Variants in RMND1 observed in about 807,000 individuals in gnomAD.
RMND1 encodes required for meiotic nuclear division 1 homolog, also known as required for meiotic nuclear division protein 1 homolog.
In RMND1, 41 loss-of-function variants were observed where a neutral mutation model predicts 54.0. The observed-to-expected ratio is 0.76, with a 90% CI of 0.59 to 0.98. The LOEUF (loss-of-function observed/expected upper bound fraction) is 0.98, where lower values mean the gene tolerates loss of function less well. RMND1 is among the 50% of genes least tolerant of loss of function. RMND1 has a pLI of 0.00. For missense variants in RMND1, 457 were observed against 532.0 expected, an observed-to-expected ratio of 0.86 and a Z score of 1.39; for synonymous variants, 183 against 181.7, an observed-to-expected ratio of 1.01 and a Z score of -0.06.
intron 9 of RMND1, among the ~76,000 whole-genome samples, chr6:151,418,247 C>T (rs1005608822): frequency 3.3e-5 from 5 of 152,022 alleles, no homozygotes; most frequent in African/African-American, 1.2e-4. Context: ...AACCCTATCT[C>T]TACAAAAAAT....
intron 2 of RMND1, among the ~76,000 whole-genome samples, chr6:151,439,624 G>A (rs1035740595): frequency 2.0e-5 from 3 of 152,206 alleles, no homozygotes; most frequent in East Asian, 1.9e-4. Context: ...TGTTAATGGC[G>A]GTGGCAGGCA....
At chr6:151,405,682 A>G (rs1779590121) in intron 11 of RMND1, 38 bp downstream of exon 11, 4 of 998,880 alleles carry the variant, frequency 4.0e-6, no homozygotes, top group East Asian at 4.8e-5. Context: ...TTGTGAAAAG[A>G]TGGTAACTGA....
At chr6:151,450,562 C>T (rs1375317395) in intron 1 of RMND1, among the ~76,000 whole-genome samples, 3 of 149,160 alleles carry the variant, frequency 2.0e-5, no homozygotes, top group Non-Finnish European at 3.0e-5. Flanking sequence ...CCAGCCGCCC[C>T]GTCCGGGAGG....
chr6:151,419,067 G>A (rs1780083159), intron 9 of RMND1, among the ~76,000 whole-genome samples: 1 of 148,972 alleles, frequency 6.7e-6, no homozygotes, highest in Non-Finnish European at 1.5e-5. Context: ...ACCGTGCCCA[G>A]CCTTTTTCTT....
intron 4 of RMND1, among the ~76,000 whole-genome samples, chr6:151,431,747 C>T (rs1452753671): frequency 1.3e-5 from 2 of 152,050 alleles, no homozygotes; most frequent in African/African-American, 4.8e-5. Flanking sequence ...TTATTAATTA[C>T]ATGTTGAAAT....
chr6:151,421,328 G>A lies in RMND1; in HGVS notation c.1003-7C>T. ...TCTTCCCAGCTTTTAAAGCCTAGTT[G>A]AGAGGGAATCGGAAAAACCAAAAAA... On this transcript the variant is annotated splice_polypyrimidine_tract_variant and splice_region_variant and intron_variant, in intron 8 of 11. Transcript: ENST00000444024. 2 of 1,605,048 alleles carry A rather than the reference G, an allele frequency of 1.2e-6. No individual in the cohort carries two copies. Among genetic ancestry groups the A allele is most frequent in the Non-Finnish European group, 1.7e-6 (2 of 1,176,164 alleles).
At chr6:151,429,116 T>C (rs1711653770) in intron 5 of RMND1, among the ~76,000 whole-genome samples, 1 of 151,496 alleles carries the variant, frequency 6.6e-6, no homozygotes, top group South Asian at 2.1e-4. Flanking sequence ...TTATATTTTG[T>C]AACCCGCTTT....
intron 2 of RMND1, among the ~76,000 whole-genome samples, chr6:151,437,692 T>C (rs1780651565): frequency 6.6e-6 from 1 of 152,226 alleles, no homozygotes. Context: ...ATTCTGTATA[T>C]TCCTGGTATG....
intron 10 of RMND1, among the ~76,000 whole-genome samples, chr6:151,410,116 A>T (rs893989709): frequency 6.7e-6 from 1 of 149,024 alleles, no homozygotes; most frequent in Non-Finnish European, 1.5e-5. Context: ...CTGCAGTGGC[A>T]CAATCTCCGC....
chr6:151,448,878 A>G (rs7767336), intron 1 of RMND1, among the ~76,000 whole-genome samples: 37,657 of 151,836 alleles, frequency 0.25, 4,839 homozygotes, highest in East Asian at 0.38. Context: ...GGAGTTCCAG[A>G]CCAGCCTGGC....
chr6:151,410,297 C>T (rs113467109), intron 10 of RMND1, among the ~76,000 whole-genome samples: 1,637 of 152,186 alleles, frequency 0.011, 22 homozygotes, highest in African/African-American at 0.036. Flanking sequence ...CCTTGTGATC[C>T]GCCCTCCTTG....
intron 10 of RMND1, among the ~76,000 whole-genome samples, chr6:151,412,262 G>A (rs1028309148): frequency 4.0e-5 from 6 of 151,800 alleles, no homozygotes; most frequent in African/African-American, 1.2e-4. Flanking sequence ...TCGGCCTCCC[G>A]AAGTGCTGGG....
chr6:151,432,153 G>A (rs1026025350), intron 4 of RMND1, among the ~76,000 whole-genome samples: 3 of 151,994 alleles, frequency 2.0e-5, no homozygotes, highest in African/African-American at 7.2e-5. Flanking sequence ...TGGCCAGGCT[G>A]GTCTCAAACT....
intron 2 of RMND1, among the ~76,000 whole-genome samples, chr6:151,443,096 T>A (rs1021220994): frequency 6.6e-6 from 1 of 152,036 alleles, no homozygotes; most frequent in Non-Finnish European, 1.5e-5. Context: ...GTATAAAGGG[T>A]TTACCATTTT....
At position 151,428,398 on chromosome 6, in the gene RMND1, G is replaced by T. The variant is rs548951783; in HGVS notation, c.730-816C>A. On this transcript the variant is annotated intron_variant, in intron 5 of 11. Coordinates refer to ENST00000444024, the MANE Select transcript of RMND1 (RefSeq NM_017909.4). ...ACTGCAATTTATTTAACCAACCTAG[G>T]TGTGTCCTCCATGGGGAATTTTTTC... Among the ~76,000 whole-genome samples the T allele has an allele frequency of 3.3e-5, 5 of 152,266 alleles. No individual in the cohort carries two copies. In the East Asian group the frequency reaches 9.6e-4, roughly 29 times the overall value.
chr6:151,419,419 C>A (rs548643959), intron 9 of RMND1, among the ~76,000 whole-genome samples: 25 of 151,622 alleles, frequency 1.6e-4, no homozygotes, highest in African/African-American at 4.3e-4. Context: ...TACACATAAA[C>A]TGATGTGGTG....
chr6:151,421,380 T>C (rs1780147085), intron 8 of RMND1, 59 bp from the exon 9 acceptor site: 1 of 1,303,238 alleles, frequency 7.7e-7, no homozygotes, highest in Admixed American at 2.0e-5. Context: ...CTAATAAGCA[T>C]TAGGTCAACA....
At chr6:151,422,483 T>C in intron 8 of RMND1, 58 bp downstream of exon 8, 1 of 870,980 alleles carries the variant, frequency 1.1e-6, no homozygotes, top group Non-Finnish European at 1.7e-6. Flanking sequence ...ATTGGGAAAT[T>C]CATATTTTTT....
At chr6:151,410,096 C>G (rs1158723017) in intron 10 of RMND1, among the ~76,000 whole-genome samples, 1 of 151,474 alleles carries the variant, frequency 6.6e-6, no homozygotes, top group Non-Finnish European at 1.5e-5. Context: ...GCTCTGTCAC[C>G]CAGGCTGGAC....
Sources: gnomAD v4.1 joint callset for allele counts (sites outside exome capture counted in the v4.1 genomes callset) on GRCh38, gnomAD v4.1.1 for gene constraint, MANE v1.5 for transcripts, NCBI Gene and HGNC (gene_info 2026-07-23, HGNC 2026-07-21) for gene names.